Variants in KIAA1549L observed in about 807,000 individuals in gnomAD.
KIAA1549L encodes KIAA1549 like.
KIAA1549L carries 88 observed loss-of-function variants against 160.7 expected under a neutral mutation model. The observed-to-expected ratio is 0.55, with a 90% CI of 0.46 to 0.65. The LOEUF (loss-of-function observed/expected upper bound fraction) is 0.65. Among genes scored for constraint, KIAA1549L ranks in the 30% least tolerant of loss-of-function variants. The pLI is 0.00. For synonymous variants in KIAA1549L, 950 were observed against 976.7 expected, an observed-to-expected ratio of 0.97 and a Z score of 0.51; for missense variants, 2,258 against 2,437.5, an observed-to-expected ratio of 0.93 and a Z score of 1.55.
intron 12 of KIAA1549L, 23 bp from the exon 13 acceptor site, chr11:33,598,797 C>T: frequency 6.2e-7 from 1 of 1,613,572 alleles, no homozygotes; most frequent in Non-Finnish European, 8.5e-7. Flanking sequence ...TACCGTCTCC[C>T]CTGTTGCTAT....
chr11:33,514,915 T>G (rs895661006), intron 1 of KIAA1549L, among the ~76,000 whole-genome samples: 4 of 152,232 alleles, frequency 2.6e-5, no homozygotes, highest in African/African-American at 9.6e-5. Context: ...TTAATTTGAC[T>G]TATTGCCTTA....
intron 1 of KIAA1549L, among the ~76,000 whole-genome samples, chr11:33,420,390 G>A (rs1850987067): frequency 6.6e-6 from 1 of 151,740 alleles, no homozygotes; most frequent in South Asian, 2.1e-4. Context: ...CACCATGCTT[G>A]GATTATTTTT....
chr11:33,492,941 C>T (rs716125), intron 1 of KIAA1549L, among the ~76,000 whole-genome samples: 44,085 of 151,586 alleles, frequency 0.29, 6,744 homozygotes, highest in Middle Eastern at 0.46. Context: ...AGCTTGTATT[C>T]GTGATCAGGA....
At chr11:33,476,568 C>G (rs2133038307) in intron 1 of KIAA1549L, among the ~76,000 whole-genome samples, 1 of 152,332 alleles carries the variant, frequency 6.6e-6, no homozygotes, top group Middle Eastern at 3.4e-3. Flanking sequence ...CAGTAGCCTA[C>G]TGGCACCTAC....
intron 10 of KIAA1549L, among the ~76,000 whole-genome samples, chr11:33,581,307 T>A (rs940216700): frequency 1.3e-5 from 2 of 152,310 alleles, no homozygotes; most frequent in Non-Finnish European, 2.9e-5. Flanking sequence ...CTTGAATGGA[T>A]GCCTTCTCCT....
chr11:33,497,556 A>G (rs1276558135), intron 1 of KIAA1549L, among the ~76,000 whole-genome samples: 1 of 152,200 alleles, frequency 6.6e-6, no homozygotes, highest in Non-Finnish European at 1.5e-5. Context: ...AAGCACCATA[A>G]AACTTCTTAA....
At position 33,646,037 on chromosome 11, in the gene KIAA1549L, G is replaced by C; in HGVS notation, c.5760+1G>C. On this transcript the variant is annotated splice_donor_variant, in intron 17 of 20. Coordinates refer to ENST00000658780, the MANE Select transcript of KIAA1549L (RefSeq NM_012194.3). LOFTEE classifies it high-confidence loss of function. ...GTATCAGTACAGTCTGCCCCGGCCG[G>C]TAAGTCATTCATTCCACCCACCTGC... The C allele has an allele frequency of 3.9e-6, 6 of 1,550,656 alleles. No individual in the cohort carries two copies. The highest frequency in any genetic ancestry group is 5.2e-6 in the Non-Finnish European group (6 of 1,145,868).
rs142022701 is a variant in KIAA1549L, at chr11:33,390,234, C to A, written c.238+13345C>A. On this transcript the variant is annotated intron_variant, in intron 1 of 20. Transcript: ENST00000658780. ...ACCCAGGCAGTTCGATTCCAGAGCC[C>A]ACACTCTGCTTCATGATATTGCCCT... 6.0e-4 allele frequency among the ~76,000 whole-genome samples: 91 copies of A among 152,266 alleles called. 1 individual carries two copies. Among genetic ancestry groups the A allele is most frequent in the African/African-American group, 1.9e-3 (81 of 41,556 alleles).
chr11:33,552,682 A>G (rs1052140103), intron 6 of KIAA1549L, among the ~76,000 whole-genome samples: 7 of 148,140 alleles, frequency 4.7e-5, no homozygotes, highest in Non-Finnish European at 7.4e-5. Context: ...ACACACACAC[A>G]CACACACACA....
intron 1 of KIAA1549L, among the ~76,000 whole-genome samples, chr11:33,384,793 A>C (rs1850139770): frequency 1.3e-5 from 2 of 152,102 alleles, no homozygotes; most frequent in Admixed American, 6.5e-5. Context: ...TGCCCATTTA[A>C]AAATTGGATT....
chr11:33,429,927 T>A (rs1249336619), intron 1 of KIAA1549L, among the ~76,000 whole-genome samples: 1 of 152,112 alleles, frequency 6.6e-6, no homozygotes. Context: ...CTCCTACCCC[T>A]CACCATCTCT....
chr11:33,456,964 A>C (rs1286434345), intron 1 of KIAA1549L, among the ~76,000 whole-genome samples: 1 of 152,206 alleles, frequency 6.6e-6, no homozygotes, highest in African/African-American at 2.4e-5. Context: ...TCCCTTAGTT[A>C]CTGCAGGGCT....
At chr11:33,421,297 A>C (rs2134103964) in intron 1 of KIAA1549L, among the ~76,000 whole-genome samples, 1 of 149,842 alleles carries the variant, frequency 6.7e-6, no homozygotes, top group African/African-American at 2.5e-5. Context: ...GCAGTAGATT[A>C]TGGGGTGGGG....
intron 6 of KIAA1549L, among the ~76,000 whole-genome samples, chr11:33,554,794 G>A (rs1854592368): frequency 6.6e-6 from 1 of 152,214 alleles, no homozygotes; most frequent in Admixed American, 6.5e-5. Flanking sequence ...ATGGTTCCCT[G>A]AGGAAAATTG....
chr11:33,495,381 GT>G (rs1852792687), intron 1 of KIAA1549L, among the ~76,000 whole-genome samples: 7 of 151,490 alleles, frequency 4.6e-5, no homozygotes, highest in African/African-American at 1.7e-4. Flanking sequence ...GCGGTGTTTG[GT>G]TTTTTGTTCT....
chr11:33,652,368 GTT>G lies in KIAA1549L; in HGVS notation c.5761-3641_5761-3640del, dbSNP rs1851921588. ...ACGTGGCACAGGCTGCCCCCTCTGT[GTT>G]TTGTGTGGCTCGCTGTCCTGGGGCC... On this transcript the variant is annotated intron_variant, in intron 17 of 20. Transcript: ENST00000658780. Among the ~76,000 whole-genome samples the G allele has an allele frequency of 2.0e-5, 3 of 152,292 alleles. No homozygotes were observed. The South Asian group carries it at 6.2e-4, about 32-fold the overall frequency.
intron 10 of KIAA1549L, among the ~76,000 whole-genome samples, chr11:33,580,587 A>AAAG (rs1554994227): frequency 6.3e-4 from 80 of 127,546 alleles, no homozygotes; most frequent in African/African-American, 3.0e-3. Context: ...AAAAAAAAAA[A>AAAG]AAAAGAAAAG....
intron 3 of KIAA1549L, among the ~76,000 whole-genome samples, chr11:33,546,110 G>T (rs1457345300): frequency 6.6e-6 from 1 of 152,104 alleles, no homozygotes. Flanking sequence ...TAATAGTGTG[G>T]CAATGTTTGC....
At position 33,569,085 on chromosome 11, in the gene KIAA1549L, A is replaced by G. The variant is rs867805818; in HGVS notation, c.4230+858A>G. Among the ~76,000 whole-genome samples the G allele has an allele frequency of 2.6e-4, 39 of 152,268 alleles. No individual in the cohort carries two copies. The Middle Eastern group carries it at 0.01, about 40-fold the overall frequency. Reference sequence around the variant, plus strand: ...TGTATTACCTCCTCACCCTCCTGCCAGTTCGTTGCACCTCTCAGATAAACT... The same window carrying G: ...TGTATTACCTCCTCACCCTCCTGCCGGTTCGTTGCACCTCTCAGATAAACT... On this transcript the variant is annotated intron_variant, in intron 9 of 20. Coordinates refer to ENST00000658780, the MANE Select transcript of KIAA1549L (RefSeq NM_012194.3).
Sources: allele counts gnomAD v4.1 joint callset (sites outside exome capture counted in the v4.1 genomes callset), GRCh38; gene constraint gnomAD v4.1.1; transcripts MANE v1.5; gene names NCBI Gene and HGNC (gene_info 2026-07-23, HGNC 2026-07-21).